AZIN1: variants seen among roughly 807,000 people sequenced by gnomAD.
The protein encoded by AZIN1 is ornithine decarboxylase antizyme inhibitor.
Under a neutral mutation model 47.4 loss-of-function variants are expected in AZIN1, and 12 were observed. The observed-to-expected ratio is 0.25, with a 90% CI of 0.16 to 0.41. The LOEUF is 0.41. Among genes scored for constraint, AZIN1 ranks in the 10% least tolerant of loss-of-function variants. AZIN1 has a pLI of 1.00. For missense variants in AZIN1, 410 were observed against 532.4 expected (o/e 0.77, Z 2.26); for synonymous variants, 155 against 176.3 (o/e 0.88, Z 0.96).
chr8:102,842,058 T>C (rs963153014), intron 3 of AZIN1, among the ~76,000 whole-genome samples: 1 of 151,254 alleles, frequency 6.6e-6, no homozygotes, highest in Non-Finnish European at 1.5e-5. Context: ...TTGTAGTGAG[T>C]TGAGATCGCA....
rs1811154031 is a variant in AZIN1 at position 102,827,019 on chromosome 8, T to C, written c.*1548A>G. 1 of 152,648 alleles carries C rather than the reference T, an allele frequency of 6.6e-6. No homozygotes were observed. Among genetic ancestry groups the C allele is most frequent in the South Asian group, 2.1e-4 (1 of 4,834 alleles). 9.5% of individuals were successfully genotyped at this position (152,648 alleles called of 1,614,324 possible). On this transcript the variant is annotated 3_prime_UTR_variant, in exon 12 of 12. Transcript: ENST00000337198. ...CACCTACTGGTTTAAGAGATTTAAA[T>C]TTATTAGAGATTCATGATCAATTTC...
chr8:102,829,388 C>T lies in AZIN1; in HGVS notation c.1119G>A (p.Leu373=), dbSNP rs747916540. 1.5e-5 allele frequency: 25 copies of T among 1,613,962 alleles called. No homozygotes were observed. Among genetic ancestry groups the T allele is most frequent in the Non-Finnish European group, 2.0e-5 (24 of 1,179,958 alleles). The change falls in exon 11 of 12, where the codon CTG becomes CTA. Residue 373 remains leucine (L), a synonymous_variant. Transcript: ENST00000337198. ...CAAAGATAAGCCAATCTCCCACATT[C>T]AGCTCAGGAAGAAGACAGCTTTCCA... ...QIVESCLLPE[L]NVGDWLIFDN... is the part of the protein sequence containing the mutation.
intron 10 of AZIN1, 93 bp downstream of exon 10, chr8:102,829,727 TA>T: frequency 1.0e-6 from 1 of 997,760 alleles, no homozygotes; most frequent in Non-Finnish European, 1.5e-6. Flanking sequence ...TTCCCCATTC[TA>T]AGATGTTTTT....
At position 102,828,520 on chromosome 8, in the gene AZIN1, A is replaced by T; in HGVS notation, c.*47T>A. ...TTTTCCACACTGGAATGTTGACCAGACAAGCTTAACCTGCAACTTCAGATC... is the reference window on the plus strand; with the variant it reads ...TTTTCCACACTGGAATGTTGACCAGTCAAGCTTAACCTGCAACTTCAGATC... On this transcript the variant is annotated 3_prime_UTR_variant, in exon 12 of 12. Transcript: ENST00000337198. 1 of 1,275,242 alleles carries T rather than the reference A, an allele frequency of 7.8e-7. No homozygotes were observed. Among genetic ancestry groups the T allele is most frequent in the Non-Finnish European group, 1.1e-6 (1 of 898,626 alleles). The allele number at this position is 1,275,242 out of a possible 1,614,324, so 79.0% of individuals were successfully genotyped here. A position where few individuals can be genotyped will look rare whatever the true frequency, so the allele number is the denominator to read the frequency against.
At chr8:102,830,173 G>A (rs1811346702) in intron 9 of AZIN1, 1 of 320,526 alleles carries the variant, frequency 3.1e-6, no homozygotes, top group African/African-American at 2.2e-5. Context: ...ATCACTTGAG[G>A]TCAGGAGTTC....
intron 3 of AZIN1, among the ~76,000 whole-genome samples, chr8:102,841,995 C>CCTGGGAGGATT (rs1812225919): frequency 6.6e-6 from 1 of 152,006 alleles, no homozygotes; most frequent in Admixed American, 6.6e-5. Flanking sequence ...CCTGTAATCC[C>CCTGGGAGGATT]AGCTACTTGG....
chr8:102,863,136 T>C (rs1045460860), intron 1 of AZIN1, among the ~76,000 whole-genome samples: 4 of 152,186 alleles, frequency 2.6e-5, no homozygotes, highest in Admixed American at 2.6e-4. Context: ...GCCAAAAGCC[T>C]CTCGCTGGCT....
chr8:102,831,518 C>T (rs1811459446), intron 9 of AZIN1, among the ~76,000 whole-genome samples: 1 of 151,110 alleles, frequency 6.6e-6, no homozygotes, highest in Non-Finnish European at 1.5e-5. Flanking sequence ...TGGCACGCAC[C>T]TGTAATCCCA....
chr8:102,831,238 T>A lies in AZIN1; in HGVS notation c.905-1302A>T, dbSNP rs541871687. Among the ~76,000 whole-genome samples, 8 of 152,066 alleles carry A rather than the reference T, an allele frequency of 5.3e-5. No individual in the cohort carries two copies. In the East Asian group the frequency reaches 7.7e-4, roughly 15 times the overall value. On this transcript the variant is annotated intron_variant, in intron 9 of 11. Transcript: ENST00000337198. ...ATTATATAAACCTATTGAATAAAGA[T>A]CTATGAGTCTAAACTCATAAACAGG...
chr8:102,841,701 A>G (rs547084382), intron 3 of AZIN1, among the ~76,000 whole-genome samples: 3 of 152,030 alleles, frequency 2.0e-5, no homozygotes, highest in South Asian at 4.1e-4. Context: ...TCAATTACTG[A>G]ACACCGGTAA....
intron 2 of AZIN1, among the ~76,000 whole-genome samples, chr8:102,847,965 TAACAA>T (rs747032361): frequency 6.6e-5 from 10 of 152,312 alleles, no homozygotes; most frequent in Middle Eastern, 3.4e-3. Flanking sequence ...ATGCGTTGCA[TAACAA>T]CATTTTTAAT....
chr8:102,841,806 A>AT (rs1491402909), intron 3 of AZIN1, among the ~76,000 whole-genome samples: 17 of 97,956 alleles, frequency 1.7e-4, no homozygotes, highest in South Asian at 3.2e-4. Context: ...ATATATATAT[A>AT]AAAAAAAAAA....
rs1298433711 is a variant in AZIN1, at chr8:102,828,655, A to T, written c.1259T>A (p.Ile420Asn). The change falls in exon 12 of 12, where the codon ATT becomes AAT. Residue 420 changes from isoleucine to asparagine, a missense_variant. Ile to Asn is a moderately radical substitution (Grantham distance 149). This residue lies in a region of AZIN1 where 168 missense variants were observed against 198.3 expected (regional missense o/e 0.85). Transcript: ENST00000337198. ...SDWYEMQDAGITSDSMMKNFF... is the reference protein window; with the variant it reads ...SDWYEMQDAGNTSDSMMKNFF... ...GTTCTTCATCATTGAGTCTGAAGTA[A>T]TTCCAGCATCTTGCATCTCATACCT... 1 of 1,608,970 alleles carries T rather than the reference A, an allele frequency of 6.2e-7. No homozygotes were observed. The highest frequency in any genetic ancestry group is 2.2e-5 in the East Asian group (1 of 44,752).
intron 5 of AZIN1, among the ~76,000 whole-genome samples, chr8:102,838,108 C>T (rs1176910381): frequency 6.6e-6 from 1 of 151,982 alleles, no homozygotes; most frequent in African/African-American, 2.4e-5. Flanking sequence ...AATGATCCAC[C>T]AGCCTCAGTC....
intron 2 of AZIN1, among the ~76,000 whole-genome samples, chr8:102,848,561 G>A (rs1414719425): frequency 6.6e-6 from 1 of 152,004 alleles, no homozygotes; most frequent in Non-Finnish European, 1.5e-5. Flanking sequence ...TATATCTTGA[G>A]GCAACAAACT....
chr8:102,831,717 T>C (rs995778139), intron 9 of AZIN1, among the ~76,000 whole-genome samples: 5 of 150,850 alleles, frequency 3.3e-5, no homozygotes, highest in Non-Finnish European at 5.9e-5. Flanking sequence ...TTTGGGAGGC[T>C]GAGGCAGGTG....
Position 102,826,398 on chromosome 8 carries a change from CAA to C in AZIN1, c.*2167_*2168del, listed in dbSNP as rs1343800090. The C allele has an allele frequency of 6.6e-6, 1 of 152,602 alleles. No individual in the cohort carries two copies. The highest frequency in any genetic ancestry group is 1.5e-5 in the Non-Finnish European group (1 of 68,038). 9.5% of individuals were successfully genotyped at this position (152,602 alleles called of 1,614,324 possible). Reference sequence around the variant, plus strand: ...TTATCTATGTATTCAGAATCACACACAAGTTACCTTTACAGTTCAATTTACTA... The same window carrying C: ...TTATCTATGTATTCAGAATCACACACGTTACCTTTACAGTTCAATTTACTA... On this transcript the variant is annotated 3_prime_UTR_variant, in exon 12 of 12. Transcript: ENST00000337198.
In AZIN1 at chr8:102,826,924, CTATATA is replaced by C. The variant is rs928959760; in HGVS notation, c.*1637_*1642del. Reference sequence around the variant, plus strand: ...AATTTGATGGCAATGGATTGGGGCCCTATATATATATATTTTTAATAGAACCCATGA... The same window carrying C: ...AATTTGATGGCAATGGATTGGGGCCCTATATATTTTTAATAGAACCCATGA... On this transcript the variant is annotated 3_prime_UTR_variant, in exon 12 of 12. Coordinates refer to ENST00000337198, the MANE Select transcript of AZIN1 (RefSeq NM_148174.4). The C allele has an allele frequency of 1.4e-4, 22 of 151,978 alleles. No individual in the cohort carries two copies. Among genetic ancestry groups the C allele is most frequent in the Admixed American group, 7.2e-4 (11 of 15,178 alleles). 9.4% of individuals were successfully genotyped at this position (151,978 alleles called of 1,614,324 possible). A position where few individuals can be genotyped will look rare whatever the true frequency, so the allele number is the denominator to read the frequency against.
At chr8:102,829,516 T>C in intron 10 of AZIN1, 30 bp from the exon 11 acceptor site, 1 of 1,540,204 alleles carries the variant, frequency 6.5e-7, no homozygotes. Flanking sequence ...ATTTAATTTT[T>C]ACTCATACTT....
Sources: gnomAD v4.1 joint callset for allele counts (sites outside exome capture counted in the v4.1 genomes callset) on GRCh38, gnomAD v4.1.1 for gene constraint, gnomAD v4.1.1 regional missense constraint, MANE v1.5 for transcripts, NCBI Gene and HGNC (gene_info 2026-07-23, HGNC 2026-07-21) for gene names.